Variants in MAL2 observed in about 807,000 individuals in gnomAD.
MAL2 encodes the protein protein MAL2.
MAL2 carries 17 observed loss-of-function variants against 18.1 expected under a neutral mutation model. That is an observed-to-expected ratio of 0.94 (90% CI 0.64 to 1.41). MAL2 has a LOEUF of 1.41. MAL2 is among the 40% of genes most tolerant of loss of function. MAL2 has a pLI of 0.00. For synonymous variants in MAL2, 102 were observed against 102.3 expected (o/e 1.00, Z 0.02); for missense variants, 222 against 231.9 (o/e 0.96, Z 0.28).
rs867925948 is a variant in MAL2 at position 119,235,556 on chromosome 8, G to A, written c.304-4609G>A. Among the ~76,000 whole-genome samples, 1,198 of 151,940 alleles carry A rather than the reference G, an allele frequency of 7.9e-3. 13 individuals are homozygous for A. Among genetic ancestry groups the A allele is most frequent in the African/African-American group, 0.027 (1,118 of 41,358 alleles). ...TTAAGGGCAGCCAGAGAGAAAGGTC[G>A]GGTTACCCTCAAAGGGAAGCCCATC... On this transcript the variant is annotated intron_variant, in intron 2 of 3. Transcript: ENST00000614891.
At chr8:119,237,366 G>A (rs556983090) in intron 2 of MAL2, among the ~76,000 whole-genome samples, 3,434 of 151,658 alleles carry the variant, frequency 0.023, 129 homozygotes, top group African/African-American at 0.077. Flanking sequence ...GGTACAAGGA[G>A]GAACTGGTAC....
At chr8:119,214,161 G>C (rs1177126791) in intron 1 of MAL2, among the ~76,000 whole-genome samples, 1 of 152,210 alleles carries the variant, frequency 6.6e-6, no homozygotes, top group South Asian at 2.1e-4. Context: ...GGCATACCCA[G>C]TATCATGCAC....
chr8:119,212,317 A>G (rs563897506), intron 1 of MAL2, among the ~76,000 whole-genome samples: 58 of 152,344 alleles, frequency 3.8e-4, no homozygotes, highest in Non-Finnish European at 5.4e-4. Context: ...AGTGTTTAAG[A>G]AACTACTTAT....
chr8:119,228,661 T>C (rs1817646522), intron 2 of MAL2, among the ~76,000 whole-genome samples: 1 of 152,164 alleles, frequency 6.6e-6, no homozygotes, highest in South Asian at 2.1e-4. Flanking sequence ...GTGGTTTCCT[T>C]GATCAGAGAC....
intron 2 of MAL2, among the ~76,000 whole-genome samples, chr8:119,234,066 G>A (rs1481458233): frequency 6.6e-6 from 1 of 152,142 alleles, no homozygotes; most frequent in Non-Finnish European, 1.5e-5. Context: ...TCTCACTAGG[G>A]AGTGCCAGAC....
rs963305112 is a variant in MAL2, at chr8:119,237,227, G to T, written c.304-2938G>T. 7.2e-4 allele frequency among the ~76,000 whole-genome samples: 108 copies of T among 150,656 alleles called. 1 individual carries two copies. Among genetic ancestry groups the T allele is most frequent in the South Asian group, 1.7e-3 (8 of 4,738 alleles). ...TTCCTCGACACATACACTCTCCCAA[G>T]ACTAAACCAGGAAGAAGTTGAATCT... On this transcript the variant is annotated intron_variant, in intron 2 of 3. Transcript: ENST00000614891.
chr8:119,230,570 G>C lies in MAL2; in HGVS notation c.303+8813G>C, dbSNP rs149946744. On this transcript the variant is annotated intron_variant, in intron 2 of 3. Transcript: ENST00000614891. ...CTAGGGACCAAAATGAGGTGAATGT[G>C]GGTGACATTGAAAAAGGTATGTAAT... Among the ~76,000 whole-genome samples, 122 of 151,786 alleles carry C rather than the reference G, an allele frequency of 8.0e-4. 1 individual carries two copies. The highest frequency in any genetic ancestry group is 2.6e-3 in the African/African-American group (109 of 41,368).
chr8:119,243,050 G>A (rs575517203), intron 3 of MAL2, among the ~76,000 whole-genome samples: 142 of 152,256 alleles, frequency 9.3e-4, no homozygotes, highest in African/African-American at 3.3e-3. Context: ...TGGCTTCCTT[G>A]GCTGTGAAGC....
chr8:119,223,714 A>G (rs780751197), intron 2 of MAL2: 13 of 152,198 alleles, frequency 8.5e-5, no homozygotes, highest in Non-Finnish European at 1.3e-4. Context: ...CATGCTTTCT[A>G]AGAGCCAAAT....
rs560187611 is a variant in MAL2, at chr8:119,208,385, A to AGCG, written c.-70_-68dup. 0.06 allele frequency: 42,472 copies of AGCG among 707,420 alleles called. 2,594 individuals are homozygous for AGCG. The highest frequency in any genetic ancestry group is 0.29 in the African/African-American group (13,961 of 48,824). 43.8% of individuals were successfully genotyped at this position (707,420 alleles called of 1,614,324 possible). On this transcript the variant is annotated 5_prime_UTR_variant, in exon 1 of 4. Coordinates refer to ENST00000614891, the MANE Select transcript of MAL2 (RefSeq NM_052886.3). This position sits in a 1 kb window ranked among gnomAD's most constrained non-coding sequence, Gnocchi z 4.3. ...GGCGCGCCCGGAGCCCGCGGAGCTG[A>AGCG]GCGGCGGCGGCGGCGGCGGCAGGAG...
chr8:119,218,589 T>C (rs1017540280), intron 1 of MAL2, among the ~76,000 whole-genome samples: 3 of 152,190 alleles, frequency 2.0e-5, no homozygotes, highest in Non-Finnish European at 4.4e-5. Context: ...ATAGTGTCTA[T>C]TTCTTCCTTA....
intron 2 of MAL2, among the ~76,000 whole-genome samples, chr8:119,224,486 G>C (rs1195815602): frequency 6.6e-6 from 1 of 151,980 alleles, no homozygotes; most frequent in East Asian, 1.9e-4. Context: ...AGTATAACTG[G>C]CACACATTTG....
At chr8:119,231,648 A>G (rs895333258) in intron 2 of MAL2, among the ~76,000 whole-genome samples, 6 of 152,344 alleles carry the variant, frequency 3.9e-5, no homozygotes, top group African/African-American at 1.4e-4. Flanking sequence ...CTCATTTTCA[A>G]TACACCATTA....
chr8:119,239,038 T>G (rs563096972), intron 2 of MAL2, among the ~76,000 whole-genome samples: 10,573 of 151,092 alleles, frequency 0.07, 447 homozygotes, highest in Non-Finnish European at 0.092. Context: ...CTGACAAAGG[T>G]CTAATATCCA....
In MAL2 at chr8:119,211,110, T is replaced by A. The variant is rs140391199; in HGVS notation, c.132+2506T>A. ...AGTGGATGTACAGATAGAAGCTAAG[T>A]GAACACTTTTGAAGCAACTTAGCTC... On this transcript the variant is annotated intron_variant, in intron 1 of 3. Transcript: ENST00000614891. Among the ~76,000 whole-genome samples, 179 of 152,324 alleles carry A rather than the reference T, an allele frequency of 1.2e-3. 1 individual carries two copies. The highest frequency in any genetic ancestry group is 1.8e-3 in the Admixed American group (28 of 15,302).
chr8:119,241,113 A>G (rs1480290979), intron 3 of MAL2, among the ~76,000 whole-genome samples: 1 of 152,194 alleles, frequency 6.6e-6, no homozygotes, highest in African/African-American at 2.4e-5. Flanking sequence ...GTACTCATAT[A>G]GTCATTGAAA....
At chr8:119,228,450 A>G (rs779042037) in intron 2 of MAL2, among the ~76,000 whole-genome samples, 2 of 151,392 alleles carry the variant, frequency 1.3e-5, no homozygotes, top group African/African-American at 4.8e-5. Context: ...TGGGGACACA[A>G]TAACATGTAG....
chr8:119,210,287 T>C (rs1045019333), intron 1 of MAL2, among the ~76,000 whole-genome samples: 3 of 152,174 alleles, frequency 2.0e-5, no homozygotes, highest in Non-Finnish European at 2.9e-5. Flanking sequence ...CAAAGAAGGC[T>C]TATCCATATG....
Position 119,238,835 on chromosome 8 carries a change from C to G in MAL2, c.304-1330C>G, listed in dbSNP as rs1269487927. 9.6e-3 allele frequency among the ~76,000 whole-genome samples: 1,440 copies of G among 149,442 alleles called. 33 individuals carry two copies. Among genetic ancestry groups the G allele is most frequent in the African/African-American group, 0.034 (1,327 of 39,076 alleles). On this transcript the variant is annotated intron_variant, in intron 2 of 3. Coordinates refer to ENST00000614891, the MANE Select transcript of MAL2 (RefSeq NM_052886.3). ...AACCATAAAAACCCTAGAAGAAAAC[C>G]TAGGCATTACCATTCAGGACATAGG...
Sources: allele counts gnomAD v4.1 joint callset (sites outside exome capture counted in the v4.1 genomes callset), GRCh38; gene constraint gnomAD v4.1.1; non-coding constraint Gnocchi (gnomAD v3.1); transcripts MANE v1.5; gene names NCBI Gene and HGNC (gene_info 2026-07-23, HGNC 2026-07-21).